The following TENM4 variants were observed in gnomAD, a reference collection of about 807,000 sequenced individuals.
The protein encoded by TENM4 is teneurin transmembrane protein 4.
A neutral mutation model predicts 243.3 loss-of-function variants in TENM4; 82 were observed. That is an observed-to-expected ratio of 0.34 (90% CI 0.28 to 0.40). The LOEUF (loss-of-function observed/expected upper bound fraction) is 0.40, where lower values mean the gene tolerates loss of function less well. TENM4 is among the 10% of genes least tolerant of loss of function. TENM4 has a pLI of 1.00. For missense variants in TENM4, 3,138 were observed against 3,673.3 expected (o/e 0.85, Z 3.77); for synonymous variants, 1,412 against 1,456.3 (o/e 0.97, Z 0.69).
chr11:79,194,133 T>G (rs538684128), intron 3 of TENM4, among the ~76,000 whole-genome samples: 1 of 152,114 alleles, frequency 6.6e-6, no homozygotes, highest in Non-Finnish European at 1.5e-5. Flanking sequence ...TACTTCTTCA[T>G]TTTTCTCTTG....
At chr11:78,800,887 G>C (rs1591033596) in intron 15 of TENM4, among the ~76,000 whole-genome samples, 1 of 152,114 alleles carries the variant, frequency 6.6e-6, no homozygotes, top group South Asian at 2.1e-4. Context: ...GAAAAGGGAT[G>C]CCAGTATGTA....
chr11:78,832,214 C>T (rs776000598), intron 12 of TENM4, among the ~76,000 whole-genome samples: 55 of 152,326 alleles, frequency 3.6e-4, no homozygotes, highest in Non-Finnish European at 6.3e-4. Flanking sequence ...CTATCCAAAT[C>T]CTTCCGGGCC....
At chr11:78,734,334 C>G (rs1855738735) in intron 20 of TENM4, among the ~76,000 whole-genome samples, 2 of 152,236 alleles carry the variant, frequency 1.3e-5, no homozygotes, top group African/African-American at 4.8e-5. Context: ...CCTAGCCCCC[C>G]TCCCATCTGA....
rs937021174 is a variant in TENM4 at position 79,218,351 on chromosome 11, C to G, written c.-264-2442G>C. Among the ~76,000 whole-genome samples the G allele has an allele frequency of 9.9e-5, 15 of 151,904 alleles. No individual in the cohort carries two copies. The South Asian group carries it at 3.1e-3, about 32-fold the overall frequency. On this transcript the variant is annotated intron_variant, in intron 2 of 33. Transcript: ENST00000278550. ...CTTTCTCTGGTGTTGGGGCTCTCCCCAAATGCCAAATGTCTGGTGGCTTTT... is the reference window on the plus strand; with the variant it reads ...CTTTCTCTGGTGTTGGGGCTCTCCCGAAATGCCAAATGTCTGGTGGCTTTT...
At position 78,850,061 on chromosome 11, in the gene TENM4, C is replaced by CTGTGTG. The variant is rs142162971; in HGVS notation, c.1681+4037_1681+4042dup. ...CTAAAACTTGCTTGGTTTCAGTGCT[C>CTGTGTG]TGTGTGTGTGTGTGTGTGTGTGTGT... On this transcript the variant is annotated intron_variant, in intron 12 of 33. Transcript: ENST00000278550. 3.0e-3 allele frequency among the ~76,000 whole-genome samples: 451 copies of CTGTGTG among 149,892 alleles called. 2 individuals are homozygous for CTGTGTG. Among genetic ancestry groups the CTGTGTG allele is most frequent in the Middle Eastern group, 6.8e-3 (2 of 294 alleles).
At chr11:78,960,960 C>T (rs1206551334) in intron 6 of TENM4, among the ~76,000 whole-genome samples, 1 of 152,142 alleles carries the variant, frequency 6.6e-6, no homozygotes, top group Non-Finnish European at 1.5e-5. Flanking sequence ...GATGGGTGCT[C>T]ATCATGAGGT....
intron 2 of TENM4, among the ~76,000 whole-genome samples, chr11:79,277,456 C>T (rs574735483): frequency 6.6e-6 from 1 of 152,168 alleles, no homozygotes; most frequent in Non-Finnish European, 1.5e-5. Flanking sequence ...GTGAAAGTAA[C>T]TTGCCCCCTG....
intron 1 of TENM4, among the ~76,000 whole-genome samples, chr11:79,334,371 C>T (rs1857113329): frequency 6.6e-6 from 1 of 152,224 alleles, no homozygotes; most frequent in Non-Finnish European, 1.5e-5. Flanking sequence ...TGTACATCCA[C>T]AGCAAGAGAT....
At chr11:79,060,947 G>C (rs943788452) in intron 6 of TENM4, among the ~76,000 whole-genome samples, 6 of 152,184 alleles carry the variant, frequency 3.9e-5, no homozygotes, top group Non-Finnish European at 8.8e-5. Flanking sequence ...CACAAGAAAA[G>C]GAGAGGTCTG....
chr11:78,711,769 G>T (rs1365391801), intron 26 of TENM4, among the ~76,000 whole-genome samples: 2 of 152,102 alleles, frequency 1.3e-5, no homozygotes, highest in East Asian at 1.9e-4. Context: ...AGGCACAGGG[G>T]TCTCTCTTGG....
intron 4 of TENM4, among the ~76,000 whole-genome samples, chr11:79,102,421 C>T (rs1861256037): frequency 6.6e-6 from 1 of 152,162 alleles, no homozygotes; most frequent in South Asian, 2.1e-4. Context: ...ACTCCTCAGC[C>T]ACCCTTCGAA....
At position 79,227,758 on chromosome 11, in the gene TENM4, C is replaced by A. The variant is rs535421400; in HGVS notation, c.-264-11849G>T. Among the ~76,000 whole-genome samples, 4 of 152,312 alleles carry A rather than the reference C, an allele frequency of 2.6e-5. No homozygotes were observed. The South Asian group carries it at 8.3e-4, about 32-fold the overall frequency. ...CAGTAAGTCAGTGAATGCCAAGGAT[C>A]CTGGCTGTGACACTTCAGAAAGCTT... On this transcript the variant is annotated intron_variant, in intron 2 of 33. Transcript: ENST00000278550.
intron 5 of TENM4, 147 bp from the exon 6 acceptor site, chr11:79,065,154 G>T: frequency 7.8e-7 from 1 of 1,289,550 alleles, no homozygotes; most frequent in Non-Finnish European, 1.0e-6. Context: ...TTGTTCAAGT[G>T]ATTGCCTCTG....
chr11:78,748,678 C>T (rs2135933473), intron 19 of TENM4, among the ~76,000 whole-genome samples: 1 of 152,266 alleles, frequency 6.6e-6, no homozygotes, highest in South Asian at 2.1e-4. Flanking sequence ...TACTTAAATT[C>T]TCAGTAGCTC....
At chr11:78,740,689 A>G (rs1369438426) in intron 19 of TENM4, among the ~76,000 whole-genome samples, 1 of 152,320 alleles carries the variant, frequency 6.6e-6, no homozygotes, top group Admixed American at 6.5e-5. Flanking sequence ...GACGCTGGCC[A>G]CCAGCCAGCC....
intron 16 of TENM4, among the ~76,000 whole-genome samples, chr11:78,781,874 C>T (rs183738586): frequency 6.6e-6 from 1 of 152,328 alleles, no homozygotes; most frequent in East Asian, 1.9e-4. Flanking sequence ...GACACCCACA[C>T]TGAGAGAAAT....
At chr11:79,101,966 A>G (rs1259193957) in intron 4 of TENM4, among the ~76,000 whole-genome samples, 1 of 152,206 alleles carries the variant, frequency 6.6e-6, no homozygotes, top group Non-Finnish European at 1.5e-5. Flanking sequence ...ACCAGGCTCC[A>G]GGGCCAGATC....
chr11:78,931,919 C>T lies in TENM4; in HGVS notation c.494-28396G>A, dbSNP rs777296186. 3.9e-5 allele frequency among the ~76,000 whole-genome samples: 6 copies of T among 152,220 alleles called. No individual in the cohort carries two copies. The East Asian group carries it at 5.8e-4, about 15-fold the overall frequency. ...GAGGCAGGAGGCTCACTTGAGCCTA[C>T]GAATTTGAGGCTGCAGTGAGCCATG... is the stretch of plus-strand genomic sequence containing the variant. On this transcript the variant is annotated intron_variant, in intron 6 of 33. Transcript: ENST00000278550.
chr11:79,328,187 A>G (rs1354779784), intron 1 of TENM4, among the ~76,000 whole-genome samples: 1 of 152,214 alleles, frequency 6.6e-6, no homozygotes, highest in Non-Finnish European at 1.5e-5. Context: ...TGCATAGACA[A>G]TCACCTTCTC....
Sources: allele counts gnomAD v4.1 joint callset (sites outside exome capture counted in the v4.1 genomes callset), GRCh38; gene constraint gnomAD v4.1.1; transcripts MANE v1.5; gene names NCBI Gene and HGNC (gene_info 2026-07-23, HGNC 2026-07-21).